ZFP90: variants seen among roughly 807,000 people sequenced by gnomAD.
ZFP90 encodes the protein ZFP90 zinc finger protein.
A neutral mutation model predicts 60.8 loss-of-function variants in ZFP90; 38 were observed. That is an observed-to-expected ratio of 0.62 (90% confidence interval 0.48 to 0.82). ZFP90 has a LOEUF of 0.82. ZFP90 is among the 40% of genes least tolerant of loss of function. The probability of loss-of-function intolerance (pLI) is 0.00; values close to 1 mark genes in which losing one functional copy is unlikely to be tolerated. For synonymous variants in ZFP90, 287 were observed against 264.8 expected, an observed-to-expected ratio of 1.08 and a Z score of -0.82; for missense variants, 711 against 759.1, an observed-to-expected ratio of 0.94 and a Z score of 0.74.
chr16:68,551,769 T>G lies in ZFP90; in HGVS notation c.34-6229T>G, dbSNP rs539737352. Among the ~76,000 whole-genome samples the G allele has an allele frequency of 1.9e-4, 29 of 151,628 alleles. 1 individual carries two copies. In the South Asian group the frequency reaches 5.9e-3, roughly 31 times the overall value. On this transcript the variant is annotated intron_variant, in intron 2 of 4. Coordinates refer to ENST00000563169, the MANE Select transcript of ZFP90 (RefSeq NM_001305203.2). ...TTGCTTTTTGGTTTTTGTTTTTGTT[T>G]TTTTATTTAGGCAGAGTCTGGCTCT...
In ZFP90 at chr16:68,563,855, C is replaced by G; in HGVS notation, c.1068C>G (p.His356Gln). 6.2e-7 allele frequency: 1 copy of G among 1,613,852 alleles called. No homozygotes were observed. The highest frequency in any genetic ancestry group is 8.5e-7 in the Non-Finnish European group (1 of 1,179,942). Residue 356 changes from histidine (H) to glutamine (Q), a missense_variant, in exon 5 of 5, where the codon CAC becomes CAG. By Grantham distance (24) the His-to-Gln change is conservative (BLOSUM62 0). Coordinates refer to ENST00000563169, the MANE Select transcript of ZFP90 (RefSeq NM_001305203.2). ...GGCATGGCACATCCCTCACTCAACA[C>G]GAGGTCACACACAGTGGAGAGAAGC... Reference protein sequence around the residue: ...SFRHGTSLTQHEVTHSGEKPF... With the variant: ...SFRHGTSLTQQEVTHSGEKPF...
chr16:68,557,316 C>T (rs756176233), intron 2 of ZFP90: 23 of 454,190 alleles, frequency 5.1e-5, no homozygotes, highest in African/African-American at 2.6e-4. Context: ...CGTGCCCTGT[C>T]GCATTTTATT....
chr16:68,572,536 A>G (rs2091573718), intron 2 of ZFP90, among the ~76,000 whole-genome samples: 1 of 152,204 alleles, frequency 6.6e-6, no homozygotes, highest in South Asian at 2.1e-4. Context: ...TGTGAGAGTC[A>G]CAGAGCCACT....
At chr16:68,539,150 C>G (rs1285048521), upstream of ZFP90, 1 of 152,300 alleles carries the variant, frequency 6.6e-6, no homozygotes, top group African/African-American at 2.4e-5. Context: ...TGGCCGCCTC[C>G]CTCGGCCCTC....
Position 68,566,990 on chromosome 16 carries a change from G to T in ZFP90, c.*2292G>T. The T allele has an allele frequency of 1.0e-6, 1 of 985,624 alleles. No homozygotes were observed. The highest frequency in any genetic ancestry group is 1.2e-6 in the Non-Finnish European group (1 of 829,972). The allele number at this position is 985,624 out of a possible 1,614,324, so 61.1% of individuals were successfully genotyped here. ...GACAGGGAGGGAGCCCAGGACATAT[G>T]TGTGGCTCATTGACCAGAAGGCTTT... On this transcript the variant is annotated 3_prime_UTR_variant, in exon 5 of 5. Transcript: ENST00000563169.
intron 2 of ZFP90, among the ~76,000 whole-genome samples, chr16:68,549,678 C>CAAA (rs35335958): frequency 0.61 from 38,315 of 62,542 alleles, 12,179 homozygotes; most frequent in East Asian, 0.75. Flanking sequence ...GACTCCATCT[C>CAAA]AAAAAAAAAA....
intron 4 of ZFP90, among the ~76,000 whole-genome samples, chr16:68,561,742 C>T (rs1380015824): frequency 6.6e-6 from 1 of 152,122 alleles, no homozygotes; most frequent in Non-Finnish European, 1.5e-5. Flanking sequence ...TTTCCACAAG[C>T]ATTTTTTGCA....
chr16:68,556,215 G>A (rs2091342149), intron 2 of ZFP90, among the ~76,000 whole-genome samples: 1 of 152,076 alleles, frequency 6.6e-6, no homozygotes, highest in Non-Finnish European at 1.5e-5. Flanking sequence ...GGAGGCCATG[G>A]TCACAGGTGA....
chr16:68,553,430 A>G (rs1474516237), intron 2 of ZFP90, among the ~76,000 whole-genome samples: 1 of 151,694 alleles, frequency 6.6e-6, no homozygotes, highest in Admixed American at 6.6e-5. Flanking sequence ...AGGAATCAGA[A>G]GGAGGGTGGG....
chr16:68,563,177 A>C lies in ZFP90; in HGVS notation c.390A>C (p.Gln130His), dbSNP rs770266909. ...ATGTTAGCAGCCAGTTAGACAGGCA[A>C]CAGGAAAACTGGAAGAGACATCTGG... ...SWDVSSQLDR[Q>H]QENWKRHLGS... Residue 130 changes from glutamine (Q) to histidine (H), a missense_variant, in exon 5 of 5, where the codon CAA (glutamine) becomes CAC (histidine). By Grantham distance (24) the Gln-to-His change is conservative. Transcript: ENST00000563169. 3.1e-6 allele frequency: 5 copies of C among 1,614,168 alleles called. No individual in the cohort carries two copies. Among genetic ancestry groups the C allele is most frequent in the Non-Finnish European group, 4.2e-6 (5 of 1,180,002 alleles).
At chr16:68,538,366 A>G (rs1042083034), upstream of ZFP90, among the ~76,000 whole-genome samples, 1 of 152,222 alleles carries the variant, frequency 6.6e-6, no homozygotes, top group Non-Finnish European at 1.5e-5. Flanking sequence ...TGTCTGTGAT[A>G]TATAAGACAT....
At chr16:68,537,796 G>A (rs1197126395), upstream of ZFP90, among the ~76,000 whole-genome samples, 1 of 151,738 alleles carries the variant, frequency 6.6e-6, no homozygotes, top group Non-Finnish European at 1.5e-5. Flanking sequence ...TTAATTCCTG[G>A]GCTCCTCCCT....
chr16:68,538,698 C>CT (rs1462266187), upstream of ZFP90, among the ~76,000 whole-genome samples: 4 of 94,890 alleles, frequency 4.2e-5, no homozygotes, highest in East Asian at 9.8e-4. Context: ...AAGAGCGAAA[C>CT]TGTGTCTCAA....
intron 2 of ZFP90, chr16:68,573,872 A>G (rs1036028086): frequency 6.6e-6 from 1 of 152,206 alleles, no homozygotes; most frequent in African/African-American, 2.4e-5. Context: ...GCTCACTTCC[A>G]CTTCTGGGCT....
intron 4 of ZFP90, chr16:68,562,761 A>G: frequency 3.4e-6 from 2 of 591,930 alleles, no homozygotes; most frequent in South Asian, 2.1e-5. Context: ...TTCCATTTGT[A>G]TCTGTGCCTA....
At chr16:68,575,791 G>A (rs1729244825) in exon 3 of ZFP90, 1 of 398,300 alleles carries the variant, frequency 2.5e-6, no homozygotes, top group East Asian at 3.6e-5. Context: ...GTCTGCCTAG[G>A]ATTTGTCTGC....
chr16:68,539,973 G>C, intron 2 of ZFP90, 148 bp downstream of exon 2: 1 of 1,214,270 alleles, frequency 8.2e-7, no homozygotes, highest in Non-Finnish European at 1.1e-6. Flanking sequence ...GAAAACCCCA[G>C]GCTTTGGGGA....
At position 68,563,206 on chromosome 16, in the gene ZFP90, C is replaced by A; in HGVS notation, c.419C>A (p.Ser140Ter). ...GAAAACTGGAAGAGACATCTGGGAT[C>A]AGAGGCATCCACCCAGAAGAAAATA... Reference protein sequence around the residue: ...QQENWKRHLGSEASTQKKIIT... With the variant: ...QQENWKRHLG Residue 140 changes from serine (S) to a stop codon, truncating the protein, a stop_gained, in exon 5 of 5, where the codon TCA becomes TAA. Coordinates refer to ENST00000563169, the MANE Select transcript of ZFP90 (RefSeq NM_001305203.2). LOFTEE classifies it high-confidence loss of function. The A allele has an allele frequency of 6.2e-7, 1 of 1,614,148 alleles. No homozygotes were observed. Among genetic ancestry groups the A allele is most frequent in the Non-Finnish European group, 8.5e-7 (1 of 1,180,018 alleles).
intron 2 of ZFP90, among the ~76,000 whole-genome samples, chr16:68,553,154 C>T (rs2091287687): frequency 6.6e-6 from 1 of 152,090 alleles, no homozygotes; most frequent in East Asian, 1.9e-4. Flanking sequence ...TATTCTTGCT[C>T]TCGGGGTTTA....
Sources: gnomAD v4.1 joint callset for allele counts (sites outside exome capture counted in the v4.1 genomes callset) on GRCh38, gnomAD v4.1.1 for gene constraint, MANE v1.5 for transcripts, NCBI Gene and HGNC (gene_info 2026-07-23, HGNC 2026-07-21) for gene names.